The following RCAN1 variants were observed in gnomAD, a reference collection of about 807,000 sequenced individuals.
RCAN1 encodes regulator of calcineurin 1.
RCAN1 carries 11 observed loss-of-function variants against 22.9 expected under a neutral mutation model. That is an observed-to-expected ratio of 0.48 (90% CI 0.30 to 0.79). The LOEUF is 0.79. Among genes scored for constraint, RCAN1 ranks in the 30% least tolerant of loss-of-function variants. The pLI, the probability that RCAN1 is intolerant of heterozygous loss-of-function variation, is 0.06. For synonymous variants in RCAN1, 136 were observed against 142.3 expected (o/e 0.96, Z 0.32); for missense variants, 291 against 337.8 (o/e 0.86, Z 1.09).
intron 1 of RCAN1, among the ~76,000 whole-genome samples, chr21:34,553,621 T>C (rs1986450340): frequency 6.6e-6 from 1 of 152,166 alleles, no homozygotes; most frequent in Admixed American, 6.5e-5. Flanking sequence ...CTAGGTACAA[T>C]TTAAAAATCT....
At position 34,551,100 on chromosome 21, in the gene RCAN1, G is replaced by A. The variant is rs117882279; in HGVS notation, c.253-27390C>T. On this transcript the variant is annotated intron_variant, in intron 1 of 3. Transcript: ENST00000313806. ...CACATTTTGGTAATCATCTGGAATG[G>A]GGCTCTTGTTTTTAAAACTGGGAAG... Among the ~76,000 whole-genome samples, 129 of 152,270 alleles carry A rather than the reference G, an allele frequency of 8.5e-4. 2 individuals carry two copies. In the East Asian group the frequency reaches 0.024, roughly 28 times the overall value.
chr21:34,543,360 G>C (rs1159304399), intron 1 of RCAN1, among the ~76,000 whole-genome samples: 1 of 152,206 alleles, frequency 6.6e-6, no homozygotes, highest in Non-Finnish European at 1.5e-5. Flanking sequence ...GAGACAGGAT[G>C]ATGGAAGCAG....
intron 1 of RCAN1, among the ~76,000 whole-genome samples, chr21:34,548,931 C>A (rs191285037): frequency 6.6e-6 from 1 of 152,106 alleles, no homozygotes; most frequent in African/African-American, 2.4e-5. Flanking sequence ...TTATTTTGTG[C>A]GCTTGTTTCT....
At chr21:34,576,280 G>A (rs1396932538) in intron 1 of RCAN1, among the ~76,000 whole-genome samples, 7 of 152,150 alleles carry the variant, frequency 4.6e-5, no homozygotes, top group Admixed American at 3.9e-4. Flanking sequence ...ACAGAGCTCT[G>A]CAGGTTCGTA....
intron 1 of RCAN1, among the ~76,000 whole-genome samples, chr21:34,556,195 G>A (rs149600119): frequency 0.011 from 1,647 of 150,620 alleles, 55 homozygotes; most frequent in East Asian, 0.11. Flanking sequence ...AGGCTGAGGC[G>A]GGAGGATAGC....
intron 1 of RCAN1, among the ~76,000 whole-genome samples, chr21:34,536,252 GGCCAAAGCCACC>G (rs973324207): frequency 4.6e-5 from 7 of 152,172 alleles, no homozygotes; most frequent in Admixed American, 1.3e-4. Flanking sequence ...AGATTACTGG[GGCCAAAGCCACC>G]CTAATTAATT....
At chr21:34,558,037 G>A (rs1385583878) in intron 1 of RCAN1, among the ~76,000 whole-genome samples, 3 of 152,208 alleles carry the variant, frequency 2.0e-5, no homozygotes, top group Non-Finnish European at 2.9e-5. Context: ...AAATAGTGAA[G>A]AATAATCCAT....
chr21:34,601,259 T>C (rs550281870), intron 1 of RCAN1, among the ~76,000 whole-genome samples: 1 of 152,340 alleles, frequency 6.6e-6, no homozygotes, highest in South Asian at 2.1e-4. Flanking sequence ...AAATACTTAC[T>C]ATGAGCCTGA....
intron 1 of RCAN1, among the ~76,000 whole-genome samples, chr21:34,587,393 C>T (rs1490307410): frequency 6.6e-6 from 1 of 152,062 alleles, no homozygotes; most frequent in Non-Finnish European, 1.5e-5. Flanking sequence ...ATCAACTCTT[C>T]AATACAGGAA....
chr21:34,549,554 G>C (rs190306977), intron 1 of RCAN1, among the ~76,000 whole-genome samples: 4 of 152,214 alleles, frequency 2.6e-5, no homozygotes, highest in Admixed American at 2.6e-4. Flanking sequence ...AGCCAGAGTG[G>C]TGCTGGTGAC....
chr21:34,546,630 C>A (rs1432157251), intron 1 of RCAN1, among the ~76,000 whole-genome samples: 1 of 152,164 alleles, frequency 6.6e-6, no homozygotes, highest in Non-Finnish European at 1.5e-5. Context: ...ACACTGCATG[C>A]TCACATACTA....
intron 1 of RCAN1, among the ~76,000 whole-genome samples, chr21:34,607,322 T>C (rs1217919752): frequency 6.6e-6 from 1 of 152,148 alleles, no homozygotes; most frequent in Non-Finnish European, 1.5e-5. Context: ...AAAAATCAGA[T>C]TAGAAAAAAA....
intron 1 of RCAN1, among the ~76,000 whole-genome samples, chr21:34,539,952 G>A (rs1985844269): frequency 6.6e-6 from 1 of 152,232 alleles, no homozygotes; most frequent in Non-Finnish European, 1.5e-5. Context: ...AGTCAGGGCT[G>A]TCTGAGTGCC....
intron 1 of RCAN1, among the ~76,000 whole-genome samples, chr21:34,550,210 C>T (rs1986315423): frequency 1.3e-5 from 2 of 152,090 alleles, no homozygotes; most frequent in African/African-American, 4.8e-5. Flanking sequence ...GTGTCATCTC[C>T]CAATGAAGAT....
chr21:34,527,138 AC>A (rs1306586246), intron 1 of RCAN1, among the ~76,000 whole-genome samples: 4 of 152,156 alleles, frequency 2.6e-5, no homozygotes, highest in Admixed American at 2.0e-4. Context: ...CCATTCAGCT[AC>A]TCAGACAACA....
At chr21:34,600,566 C>T (rs1323656181) in intron 1 of RCAN1, among the ~76,000 whole-genome samples, 2 of 152,156 alleles carry the variant, frequency 1.3e-5, no homozygotes, top group Non-Finnish European at 2.9e-5. Flanking sequence ...AACCTCACCA[C>T]CAAGCATTAG....
intron 1 of RCAN1, among the ~76,000 whole-genome samples, chr21:34,600,934 A>G (rs1332095985): frequency 6.6e-6 from 1 of 152,230 alleles, no homozygotes; most frequent in Non-Finnish European, 1.5e-5. Flanking sequence ...TCATACACAC[A>G]TGCACGTGTG....
At chr21:34,560,241 T>A (rs1986739216) in intron 1 of RCAN1, 4 of 152,184 alleles carry the variant, frequency 2.6e-5, no homozygotes, top group Admixed American at 2.6e-4. Flanking sequence ...CTAGGATAGA[T>A]GCAGGCAGCC....
At chr21:34,568,659 A>T (rs544462344) in intron 1 of RCAN1, among the ~76,000 whole-genome samples, 1 of 152,216 alleles carries the variant, frequency 6.6e-6, no homozygotes, top group Non-Finnish European at 1.5e-5. Context: ...CTGAGGAATC[A>T]TACTCATGAA....
Sources: allele counts gnomAD v4.1 joint callset (sites outside exome capture counted in the v4.1 genomes callset), GRCh38; gene constraint gnomAD v4.1.1; transcripts MANE v1.5; gene names NCBI Gene and HGNC (gene_info 2026-07-23, HGNC 2026-07-21).